Variants in UBE2K observed in about 807,000 individuals in gnomAD.
UBE2K encodes ubiquitin conjugating enzyme E2 K.
Under a neutral mutation model 30.0 loss-of-function variants are expected in UBE2K, and 6 were observed. The observed-to-expected ratio is 0.20, with a 90% CI of 0.11 to 0.39. The LOEUF is 0.39. Ranked by LOEUF, UBE2K falls within the 10% of genes least tolerant of loss-of-function variation. The pLI, the probability that UBE2K is intolerant of heterozygous loss-of-function variation, is 1.00. For missense variants in UBE2K, 61 were observed against 241.6 expected (o/e 0.25, Z 4.96); for synonymous variants, 86 against 83.7 (o/e 1.03, Z -0.15).
chr4:39,762,940 T>C (rs1017368338), intron 4 of UBE2K, among the ~76,000 whole-genome samples: 1 of 126,678 alleles, frequency 7.9e-6, no homozygotes, highest in South Asian at 2.6e-4. Context: ...AAAACACTTT[T>C]TTTTTTTTTT....
At chr4:39,741,656 A>G (rs1198050870) in intron 2 of UBE2K, among the ~76,000 whole-genome samples, 1 of 152,194 alleles carries the variant, frequency 6.6e-6, no homozygotes, top group Non-Finnish European at 1.5e-5. Flanking sequence ...TACTCACGGG[A>G]AAATGCCATA....
chr4:39,739,441 CA>C lies in UBE2K; in HGVS notation c.157+1929del, dbSNP rs1720556595. 3.9e-5 allele frequency among the ~76,000 whole-genome samples: 5 copies of C among 128,340 alleles called. No individual in the cohort carries two copies. In the South Asian group the frequency reaches 7.1e-4, roughly 18 times the overall value. 84.2% of individuals were successfully genotyped at this position (128,340 alleles called of 152,430 possible). On this transcript the variant is annotated intron_variant, in intron 2 of 6. Transcript: ENST00000261427. ...GCATATTATACCAATTCTGTTTATTCATTTTTTTTTTTTTTTTTTTTGGGAG... is the reference window on the plus strand; with the variant it reads ...GCATATTATACCAATTCTGTTTATTCTTTTTTTTTTTTTTTTTTTTGGGAG...
intron 4 of UBE2K, chr4:39,771,051 G>C: frequency 8.7e-6 from 14 of 1,612,376 alleles, no homozygotes; most frequent in Non-Finnish European, 1.2e-5. Flanking sequence ...GGCCTATTTT[G>C]GGCTCAGTGA....
chr4:39,705,717 C>G (rs1053366796), intron 1 of UBE2K, among the ~76,000 whole-genome samples: 8 of 152,066 alleles, frequency 5.3e-5, no homozygotes, highest in Non-Finnish European at 1.0e-4. Context: ...GACAGAGTCT[C>G]GGCTCTATCA....
rs9998860 is a variant in UBE2K, at chr4:39,782,267, C to A, written c.*3833C>A. Reference sequence around the variant, plus strand: ...AGAAATCATTACACTGTGCTGTTAACGATCCTTGTCTGCTTGCTGTTACCT... The same window carrying A: ...AGAAATCATTACACTGTGCTGTTAAAGATCCTTGTCTGCTTGCTGTTACCT... On this transcript the variant is annotated 3_prime_UTR_variant, in exon 7 of 7. Transcript: ENST00000261427. 3 of 307,422 alleles carry A rather than the reference C, an allele frequency of 9.8e-6. No individual in the cohort carries two copies. The highest frequency in any genetic ancestry group is 1.8e-5 in the Non-Finnish European group (3 of 168,750). The allele number at this position is 307,422 out of a possible 1,614,324, so 19.0% of individuals were successfully genotyped here.
chr4:39,698,447 C>T (rs2109295009), intron 1 of UBE2K, 57 bp downstream of exon 1: 1 of 1,514,686 alleles, frequency 6.6e-7, no homozygotes, highest in East Asian at 2.4e-5. Context: ...AGGGTCCTCC[C>T]AGCTGCGACC....
chr4:39,710,716 GCGTC>G (rs1396211198), intron 1 of UBE2K, among the ~76,000 whole-genome samples: 7 of 152,204 alleles, frequency 4.6e-5, no homozygotes, highest in African/African-American at 1.7e-4. Context: ...CCAGGTCTGT[GCGTC>G]CAAAATATTG....
chr4:39,748,570 G>A (rs1189946096), intron 3 of UBE2K, among the ~76,000 whole-genome samples: 1 of 151,642 alleles, frequency 6.6e-6, no homozygotes, highest in Admixed American at 6.6e-5. Flanking sequence ...GTTTGAGCTC[G>A]GGAGTTTGAG....
intron 4 of UBE2K, among the ~76,000 whole-genome samples, chr4:39,772,124 A>G (rs1396489190): frequency 6.6e-6 from 1 of 152,222 alleles, no homozygotes; most frequent in Non-Finnish European, 1.5e-5. Context: ...GGCGTCAGCC[A>G]CTGCACCCAG....
At chr4:39,766,665 C>A (rs1047122975) in intron 4 of UBE2K, among the ~76,000 whole-genome samples, 9 of 152,174 alleles carry the variant, frequency 5.9e-5, no homozygotes, top group African/African-American at 2.2e-4. Context: ...CCCACCTCAG[C>A]CTCCCAAGTA....
intron 4 of UBE2K, among the ~76,000 whole-genome samples, chr4:39,762,210 A>ATAATAATAATAATAAT (rs60653398): frequency 6.7e-6 from 1 of 149,006 alleles, no homozygotes; most frequent in African/African-American, 2.5e-5. Flanking sequence ...AATAATAATA[A>ATAATAATAATAATAAT]ATCTTGAAAT....
chr4:39,718,238 C>G (rs1578430803), intron 1 of UBE2K, among the ~76,000 whole-genome samples: 1 of 152,290 alleles, frequency 6.6e-6, no homozygotes, highest in Middle Eastern at 3.4e-3. Flanking sequence ...AATCCCTGAG[C>G]TAGACACAAA....
At chr4:39,741,766 C>A (rs1720715529) in intron 2 of UBE2K, among the ~76,000 whole-genome samples, 3 of 152,068 alleles carry the variant, frequency 2.0e-5, no homozygotes, top group Admixed American at 1.3e-4. Context: ...CCTAAAATTT[C>A]TTTTAGGTTT....
intron 4 of UBE2K, among the ~76,000 whole-genome samples, chr4:39,762,936 C>CTTTTTTTTTTT (rs869207095): frequency 8.9e-5 from 7 of 78,690 alleles, no homozygotes; most frequent in Non-Finnish European, 1.4e-4. Context: ...CCAAAAAACA[C>CTTTTTTTTTTT]TTTTTTTTTT....
chr4:39,752,294 G>A (rs1353977244), intron 3 of UBE2K, among the ~76,000 whole-genome samples: 4 of 144,384 alleles, frequency 2.8e-5, no homozygotes, highest in East Asian at 2.0e-4. Context: ...ACAGGCGCCC[G>A]CCATCACGCC....
At chr4:39,710,693 C>A (rs935244871) in intron 1 of UBE2K, among the ~76,000 whole-genome samples, 1 of 152,058 alleles carries the variant, frequency 6.6e-6, no homozygotes, top group African/African-American at 2.4e-5. Flanking sequence ...GGTGGTGGAA[C>A]AGAGGTTTGA....
chr4:39,728,603 T>C (rs1719883829), intron 1 of UBE2K, among the ~76,000 whole-genome samples: 1 of 151,864 alleles, frequency 6.6e-6, no homozygotes, highest in African/African-American at 2.4e-5. Context: ...CTTTTCCCTT[T>C]CCCTCCCCTT....
At chr4:39,759,351 A>T (rs1198726787) in intron 4 of UBE2K, among the ~76,000 whole-genome samples, 1 of 152,094 alleles carries the variant, frequency 6.6e-6, no homozygotes, top group African/African-American at 2.4e-5. Context: ...ATCTCTGCTC[A>T]CTGCAACCTC....
At chr4:39,748,560 G>A (rs567189137) in intron 3 of UBE2K, among the ~76,000 whole-genome samples, 5 of 151,462 alleles carry the variant, frequency 3.3e-5, no homozygotes, top group African/African-American at 1.2e-4. Flanking sequence ...CAGGAGAAGC[G>A]TTTGAGCTCG....
Sources: allele counts gnomAD v4.1 joint callset (sites outside exome capture counted in the v4.1 genomes callset), GRCh38; gene constraint gnomAD v4.1.1; transcripts MANE v1.5; gene names NCBI Gene and HGNC (gene_info 2026-07-23, HGNC 2026-07-21).